RGS20: variants seen among roughly 807,000 people sequenced by gnomAD.
The protein encoded by RGS20 is regulator of G protein signaling 20, also known as gz-selective GTPase-activating protein.
Under a neutral mutation model 33.6 loss-of-function variants are expected in RGS20, and 30 were observed. That is an observed-to-expected ratio of 0.89 (90% CI 0.67 to 1.21). The LOEUF (loss-of-function observed/expected upper bound fraction) is 1.21, where lower values mean the gene tolerates loss of function less well. Ranked by LOEUF, RGS20 falls within the 50% of genes most tolerant of loss-of-function variation. RGS20 has a pLI of 0.00. For missense variants in RGS20, 472 were observed against 502.4 expected, an observed-to-expected ratio of 0.94 and a Z score of 0.58; for synonymous variants, 208 against 197.9, an observed-to-expected ratio of 1.05 and a Z score of -0.43.
intron 5 of RGS20, among the ~76,000 whole-genome samples, chr8:53,957,413 C>A (rs140882425): frequency 6.6e-6 from 1 of 152,358 alleles, no homozygotes; most frequent in East Asian, 1.9e-4. Flanking sequence ...AATTTAAACA[C>A]AGGCATTGTC....
intron 1 of RGS20, among the ~76,000 whole-genome samples, chr8:53,868,160 A>T (rs772721804): frequency 3.9e-5 from 6 of 152,184 alleles, no homozygotes; most frequent in South Asian, 2.1e-4. Context: ...TAGGCTTGGA[A>T]ATATGGGATT....
At chr8:53,900,405 G>T (rs1012944802) in intron 2 of RGS20, among the ~76,000 whole-genome samples, 2 of 151,990 alleles carry the variant, frequency 1.3e-5, no homozygotes, top group Non-Finnish European at 1.5e-5. Flanking sequence ...GCCTCCCAAA[G>T]TGCTGAGATT....
intron 2 of RGS20, among the ~76,000 whole-genome samples, chr8:53,922,231 G>A (rs1049580111): frequency 5.9e-5 from 9 of 152,146 alleles, no homozygotes; most frequent in South Asian, 2.1e-4. Flanking sequence ...TTCCTGAGAC[G>A]TTAGCTCTTT....
chr8:53,885,680 AG>A (rs1812521927), intron 2 of RGS20, among the ~76,000 whole-genome samples: 1 of 151,968 alleles, frequency 6.6e-6, no homozygotes, highest in Non-Finnish European at 1.5e-5. Context: ...AGTTATTTAT[AG>A]GGATGGTGTG....
chr8:53,879,464 G>C lies in RGS20; in HGVS notation c.372G>C (p.Pro124=), dbSNP rs1169187546. The C allele has an allele frequency of 6.3e-7, 1 of 1,589,516 alleles. No individual in the cohort carries two copies. Among genetic ancestry groups the C allele is most frequent in the Non-Finnish European group, 8.5e-7 (1 of 1,170,586 alleles). ...TCTCGAGGGGGCACGAGGAGCTGCC[G>C]GGCCGCCTCTCGCTCCTGCTCGGGG... Residue 124 remains proline, a synonymous_variant, in exon 2 of 6, where the codon CCG becomes CCC. Transcript: ENST00000297313.
chr8:53,887,841 G>A (rs1255028912), intron 2 of RGS20, among the ~76,000 whole-genome samples: 1 of 152,038 alleles, frequency 6.6e-6, no homozygotes, highest in Non-Finnish European at 1.5e-5. Context: ...AGCTGGGTGT[G>A]GTGGTGCACA....
chr8:53,947,115 G>C (rs1241919265), intron 4 of RGS20, among the ~76,000 whole-genome samples: 2 of 144,500 alleles, frequency 1.4e-5, no homozygotes, highest in African/African-American at 5.0e-5. Flanking sequence ...ATAAAATACA[G>C]CATATATACT....
intron 2 of RGS20, among the ~76,000 whole-genome samples, chr8:53,918,631 A>C (rs1585920936): frequency 6.6e-6 from 1 of 151,994 alleles, no homozygotes; most frequent in Non-Finnish European, 1.5e-5. Context: ...CAAATGATCC[A>C]CCTGCCTCAG....
At chr8:53,871,361 T>A (rs1198974726) in intron 1 of RGS20, among the ~76,000 whole-genome samples, 1 of 151,896 alleles carries the variant, frequency 6.6e-6, no homozygotes, top group Non-Finnish European at 1.5e-5. Context: ...CTTTCCTGGA[T>A]CAAGTCACAA....
At chr8:53,868,653 AAT>A (rs56657753) in intron 1 of RGS20, among the ~76,000 whole-genome samples, 35 of 149,652 alleles carry the variant, frequency 2.3e-4, no homozygotes, top group East Asian at 9.8e-4. Context: ...TTCACTGGTA[AAT>A]ATATATATAT....
chr8:53,887,675 T>C (rs1465729913), intron 2 of RGS20, among the ~76,000 whole-genome samples: 1 of 152,218 alleles, frequency 6.6e-6, no homozygotes, highest in African/African-American at 2.4e-5. Context: ...CAGATTAGAC[T>C]ACTGTTAAAA....
intron 4 of RGS20, among the ~76,000 whole-genome samples, chr8:53,947,660 C>CT (rs1461391361): frequency 6.0e-5 from 5 of 83,420 alleles, no homozygotes; most frequent in South Asian, 4.4e-4. Context: ...TTTATATATG[C>CT]TATATATAGG....
intron 4 of RGS20, among the ~76,000 whole-genome samples, chr8:53,950,117 A>G (rs1814666247): frequency 6.6e-6 from 1 of 152,112 alleles, no homozygotes; most frequent in South Asian, 2.1e-4. Flanking sequence ...TAGGATTACA[A>G]GCGTGAGCCA....
intron 2 of RGS20, 143 bp from the exon 1 acceptor site, chr8:53,880,729 G>C (rs1340874840): frequency 1.6e-6 from 1 of 611,018 alleles, no homozygotes; most frequent in African/African-American, 2.0e-5. Flanking sequence ...CAGTGGGGCT[G>C]CGGCCGGGGT....
At chr8:53,902,777 G>C (rs1484128575) in intron 2 of RGS20, among the ~76,000 whole-genome samples, 2 of 151,970 alleles carry the variant, frequency 1.3e-5, no homozygotes, top group Non-Finnish European at 2.9e-5. Context: ...CCAGGCTAGA[G>C]TGCAGTGGCA....
At chr8:53,852,906 A>G (rs1811597871) in intron 1 of RGS20, among the ~76,000 whole-genome samples, 1 of 152,070 alleles carries the variant, frequency 6.6e-6, no homozygotes, top group Non-Finnish European at 1.5e-5. Flanking sequence ...TCCTAATGTT[A>G]TTTTAACCAT....
chr8:53,896,440 G>A (rs1177832259), intron 2 of RGS20, among the ~76,000 whole-genome samples: 1 of 152,198 alleles, frequency 6.6e-6, no homozygotes, highest in African/African-American at 2.4e-5. Flanking sequence ...GACAGACCAG[G>A]AGGCCTGCAA....
chr8:53,858,227 C>T (rs545357082), intron 1 of RGS20, among the ~76,000 whole-genome samples: 13 of 152,158 alleles, frequency 8.5e-5, no homozygotes, highest in African/African-American at 1.4e-4. Flanking sequence ...TGGTGGCTCA[C>T]GTCTGTAGTC....
chr8:53,921,071 CTCTG>C (rs1303854849), intron 2 of RGS20, among the ~76,000 whole-genome samples: 2 of 152,112 alleles, frequency 1.3e-5, no homozygotes, highest in African/African-American at 2.4e-5. Flanking sequence ...AATAATCTTG[CTCTG>C]TCTATTATGA....
Sources: gnomAD v4.1 joint callset for allele counts (sites outside exome capture counted in the v4.1 genomes callset) on GRCh38, gnomAD v4.1.1 for gene constraint, MANE v1.5 for transcripts, NCBI Gene and HGNC (gene_info 2026-07-23, HGNC 2026-07-21) for gene names.